Variants in MAN2A1 observed in about 807,000 individuals in gnomAD.
MAN2A1 encodes the protein mannosidase alpha class 2A member 1, also known as alpha-mannosidase 2.
In MAN2A1, 76 loss-of-function variants were observed where a neutral mutation model predicts 142.6. That is an observed-to-expected ratio of 0.53 (90% CI 0.44 to 0.65). The LOEUF is 0.65. Among genes scored for constraint, MAN2A1 ranks in the 30% least tolerant of loss-of-function variants. The pLI is 0.00. For synonymous variants in MAN2A1, 559 were observed against 473.2 expected (o/e 1.18, Z -2.35); for missense variants, 1,311 against 1,365.1 (o/e 0.96, Z 0.62).
chr5:109,810,928 C>A (rs888109647), intron 12 of MAN2A1, among the ~76,000 whole-genome samples: 11 of 151,768 alleles, frequency 7.2e-5, no homozygotes, highest in African/African-American at 2.7e-4. Context: ...AAAGTGCTCA[C>A]CTTTTTTTCA....
chr5:109,820,168 T>G, intron 14 of MAN2A1, 52 bp from the exon 15 acceptor site: 2 of 1,474,936 alleles, frequency 1.4e-6, no homozygotes, highest in Non-Finnish European at 1.9e-6. Flanking sequence ...AGATGCAACA[T>G]GCTTAACATC....
rs1047197319 is a variant in MAN2A1, at chr5:109,857,629, C to T, written c.3171+2295C>T. Among the ~76,000 whole-genome samples, 5 of 152,206 alleles carry T rather than the reference C, an allele frequency of 3.3e-5. No homozygotes were observed. The South Asian group carries it at 6.2e-4, about 19-fold the overall frequency. Reference sequence around the variant, plus strand: ...AGCATAGGGTTTTACCTTCTGTAAACGAAGCCTGGAACTTGTTTTTTATGT... The same window carrying T: ...AGCATAGGGTTTTACCTTCTGTAAATGAAGCCTGGAACTTGTTTTTTATGT... On this transcript the variant is annotated intron_variant, in intron 20 of 21. Transcript: ENST00000261483.
chr5:109,783,116 A>C (rs574220393), intron 9 of MAN2A1, among the ~76,000 whole-genome samples: 3 of 152,128 alleles, frequency 2.0e-5, no homozygotes, highest in Non-Finnish European at 4.4e-5. Flanking sequence ...GGACCACTGA[A>C]TTAGTGATTT....
intron 12 of MAN2A1, among the ~76,000 whole-genome samples, chr5:109,792,358 T>C (rs984587526): frequency 3.3e-5 from 5 of 152,046 alleles, no homozygotes; most frequent in South Asian, 2.1e-4. Flanking sequence ...TTCCTGTTAC[T>C]TTTTGGTTCT....
intron 17 of MAN2A1, among the ~76,000 whole-genome samples, chr5:109,845,494 G>A (rs1755322875): frequency 6.6e-6 from 1 of 152,098 alleles, no homozygotes; most frequent in African/African-American, 2.4e-5. Context: ...ATTATACTTA[G>A]CATTCATTAC....
At chr5:109,832,625 C>T (rs1297588600) in intron 16 of MAN2A1, among the ~76,000 whole-genome samples, 2 of 152,194 alleles carry the variant, frequency 1.3e-5, no homozygotes, top group Non-Finnish European at 2.9e-5. Flanking sequence ...CCCCACACGT[C>T]CCCCCCTTCC....
intron 17 of MAN2A1, among the ~76,000 whole-genome samples, chr5:109,845,648 AG>A (rs1755326421): frequency 1.3e-5 from 2 of 152,298 alleles, no homozygotes; most frequent in South Asian, 4.1e-4. Context: ...AATCTGGACA[AG>A]TTCTACCTTT....
intron 4 of MAN2A1, among the ~76,000 whole-genome samples, chr5:109,734,989 T>C (rs1752044343): frequency 6.6e-6 from 1 of 152,202 alleles, no homozygotes; most frequent in South Asian, 2.1e-4. Context: ...TCTCCCATTA[T>C]TATTGTGTGG....
chr5:109,724,589 A>AT (rs901563118), intron 3 of MAN2A1, among the ~76,000 whole-genome samples: 1 of 152,130 alleles, frequency 6.6e-6, no homozygotes, highest in Non-Finnish European at 1.5e-5. Flanking sequence ...GGATATAATT[A>AT]TTTTTTATTC....
chr5:109,770,221 T>C lies in MAN2A1; in HGVS notation c.1010-134T>C, dbSNP rs148098180. 8.4e-4 allele frequency: 614 copies of C among 734,748 alleles called. 8 individuals carry two copies. In the East Asian group the frequency reaches 0.014, roughly 17 times the overall value. 45.5% of individuals were successfully genotyped at this position (734,748 alleles called of 1,614,324 possible). On this transcript the variant is annotated intron_variant, in intron 6 of 21. Coordinates refer to ENST00000261483, the MANE Select transcript of MAN2A1 (RefSeq NM_002372.4). ...TTAAATACCGCTGGGGTATATGTAC[T>C]GGAAGTTAAAGGGGCTGCTGATTTA...
In MAN2A1 at chr5:109,855,245, A is replaced by C; in HGVS notation, c.3082A>C (p.Thr1028Pro). 1 of 1,607,662 alleles carries C rather than the reference A, an allele frequency of 6.2e-7. No homozygotes were observed. The highest frequency in any genetic ancestry group is 8.5e-7 in the Non-Finnish European group (1 of 1,177,566). Residue 1028 changes from threonine (T) to proline (P), a missense_variant, in exon 20 of 22, where the codon ACC becomes CCC. By Grantham distance (38) the Thr-to-Pro change is conservative. Coordinates refer to ENST00000261483, the MANE Select transcript of MAN2A1 (RefSeq NM_002372.4). ...AATGGCAAATAAGTTCTCCTCACCT[A>C]CCCTTGAGCTGCAAGGTGAATTCTC... The part of the protein sequence containing the change: ...IPMANKFSSP[T>P]LELQGEFSPL...
intron 16 of MAN2A1, among the ~76,000 whole-genome samples, chr5:109,838,775 C>G (rs1255342209): frequency 6.6e-6 from 1 of 152,082 alleles, no homozygotes; most frequent in East Asian, 1.9e-4. Context: ...AAATTGATAT[C>G]TTGCTGAATT....
intron 5 of MAN2A1, 92 bp from the exon 6 acceptor site, chr5:109,767,443 C>A: frequency 9.9e-7 from 1 of 1,005,642 alleles, no homozygotes; most frequent in Non-Finnish European, 1.5e-6. Context: ...CTCTAGGAGA[C>A]TATACAATGA....
chr5:109,862,279 C>G (rs1755777034), intron 20 of MAN2A1: 1 of 152,162 alleles, frequency 6.6e-6, no homozygotes, highest in South Asian at 2.1e-4. Flanking sequence ...ATTCTGCAAA[C>G]CAAATCATCT....
intron 20 of MAN2A1, among the ~76,000 whole-genome samples, chr5:109,856,682 T>C (rs940939816): frequency 1.3e-5 from 2 of 152,242 alleles, no homozygotes; most frequent in African/African-American, 4.8e-5. Context: ...GAGAGAAGTA[T>C]TTTGGTTTCC....
chr5:109,719,649 G>A (rs990553378), intron 3 of MAN2A1, among the ~76,000 whole-genome samples: 8 of 151,936 alleles, frequency 5.3e-5, no homozygotes, highest in Non-Finnish European at 2.9e-5. Flanking sequence ...TTGTTTCATC[G>A]GTGGATTTTC....
chr5:109,739,585 A>G, intron 4 of MAN2A1, among the ~76,000 whole-genome samples: 1 of 151,966 alleles, frequency 6.6e-6, no homozygotes. Flanking sequence ...TGCTTTTTGT[A>G]TTGTTGTCCG....
intron 12 of MAN2A1, among the ~76,000 whole-genome samples, chr5:109,810,585 C>T (rs539100414): frequency 1.7e-4 from 26 of 152,310 alleles, no homozygotes; most frequent in Non-Finnish European, 3.4e-4. Context: ...CCTGAAGCCT[C>T]CCAAAGTCTC....
chr5:109,813,187 ATATACT>A (rs1309048063), intron 12 of MAN2A1, among the ~76,000 whole-genome samples: 1 of 152,160 alleles, frequency 6.6e-6, no homozygotes, highest in Non-Finnish European at 1.5e-5. Flanking sequence ...CACAAATATA[ATATACT>A]TGAAATGTAA....
Sources: allele counts gnomAD v4.1 joint callset (sites outside exome capture counted in the v4.1 genomes callset), GRCh38; gene constraint gnomAD v4.1.1; transcripts MANE v1.5; gene names NCBI Gene and HGNC (gene_info 2026-07-23, HGNC 2026-07-21).